The following DENND4A variants were observed in gnomAD, a reference collection of about 807,000 sequenced individuals.
DENND4A encodes the protein DENN domain containing 4A, also known as C-myc promoter-binding protein.
In DENND4A, 70 loss-of-function variants were observed where a neutral mutation model predicts 199.3. The ratio of observed to expected loss-of-function variants is 0.35; its 90% CI spans 0.29 to 0.43. The LOEUF (loss-of-function observed/expected upper bound fraction) is 0.43, where lower values mean the gene tolerates loss of function less well. Ranked by LOEUF, DENND4A falls within the 20% of genes least tolerant of loss-of-function variation. The pLI, the probability that DENND4A is intolerant of heterozygous loss-of-function variation, is 1.00. For missense variants in DENND4A, 1,723 were observed against 2,255.8 expected, an observed-to-expected ratio of 0.76 and a Z score of 4.78; for synonymous variants, 686 against 766.9, an observed-to-expected ratio of 0.89 and a Z score of 1.74.
rs200275350 is a variant in DENND4A at position 65,738,914 on chromosome 15, G to A, written c.632-39C>T. The A allele has an allele frequency of 4.9e-4, 684 of 1,391,452 alleles. 2 individuals carry two copies. The African/African-American group carries it at 8.7e-3, about 18-fold the overall frequency. The allele number at this position is 1,391,452 out of a possible 1,614,324, so 86.2% of individuals were successfully genotyped here. ...AATAAATATTAGGTCATCATCTCTT[G>A]AATTTAGGTACTTATTATTTCAATG... is the stretch of plus-strand genomic sequence containing the variant. On this transcript the variant is annotated intron_variant, in intron 5 of 32. Coordinates refer to ENST00000443035, the MANE Select transcript of DENND4A (RefSeq NM_001320835.1).
intron 4 of DENND4A, among the ~76,000 whole-genome samples, chr15:65,750,472 C>T (rs1335312855): frequency 6.6e-6 from 1 of 151,756 alleles, no homozygotes; most frequent in Non-Finnish European, 1.5e-5. Flanking sequence ...TGCAAATGTA[C>T]TCCGATTTTA....
At chr15:65,719,896 C>CA (rs965419970) in intron 12 of DENND4A, among the ~76,000 whole-genome samples, 5 of 150,838 alleles carry the variant, frequency 3.3e-5, no homozygotes, top group African/African-American at 7.3e-5. Context: ...CACCCTGTCT[C>CA]AAAAAAAAGA....
chr15:65,681,652 T>C lies in DENND4A; in HGVS notation c.4180-5018A>G, dbSNP rs113322876. On this transcript the variant is annotated intron_variant, in intron 23 of 32. Transcript: ENST00000443035. ...AGTACAGACAGTCATCTCAGCCCAA[T>C]GCAACCTCCGCTTCCCAGATTCAAG... Among the ~76,000 whole-genome samples the C allele has an allele frequency of 3.0e-3, 446 of 150,922 alleles. 4 individuals carry two copies. The highest frequency in any genetic ancestry group is 0.01 in the African/African-American group (422 of 41,156).
Position 65,664,365 on chromosome 15 carries a change from G to A in DENND4A, c.5552C>T (p.Ser1851Leu). 1 of 1,600,792 alleles carries A rather than the reference G, an allele frequency of 6.2e-7. No individual in the cohort carries two copies. Among genetic ancestry groups the A allele is most frequent in the Non-Finnish European group, 8.5e-7 (1 of 1,171,896 alleles). Reference sequence around the variant, plus strand: ...GTTTTCTCTTCCCAGTGCCACAAGTGAGAGAAATAGTATTTCTCTGTATAA... The same window carrying A: ...GTTTTCTCTTCCCAGTGCCACAAGTAAGAGAAATAGTATTTCTCTGTATAA... Reference protein sequence around the residue: ...RSLYREILFLSLVALGRENID... With the variant: ...RSLYREILFLLLVALGRENID... Residue 1851 changes from serine to leucine, a missense_variant, in exon 32 of 33, where the codon TCA becomes TTA. Coordinates refer to ENST00000443035, the MANE Select transcript of DENND4A (RefSeq NM_001320835.1).
intron 6 of DENND4A, among the ~76,000 whole-genome samples, 186 bp downstream of exon 6, chr15:65,738,519 AT>A (rs903719261): frequency 1.2e-4 from 18 of 152,184 alleles, no homozygotes; most frequent in African/African-American, 4.3e-4. Context: ...ACAAAAAAGC[AT>A]TTAGGTGGAT....
intron 23 of DENND4A, among the ~76,000 whole-genome samples, chr15:65,683,898 C>A (rs140423120): frequency 3.9e-5 from 6 of 152,302 alleles, no homozygotes; most frequent in Admixed American, 2.0e-4. Context: ...CATTGCCTTC[C>A]TAACACCAGG....
intron 1 of DENND4A, among the ~76,000 whole-genome samples, chr15:65,768,010 C>G (rs1188829961): frequency 6.6e-6 from 1 of 152,126 alleles, no homozygotes; most frequent in Middle Eastern, 3.2e-3. Context: ...ACCCCACTTC[C>G]TTCCAGAGAG....
intron 12 of DENND4A, among the ~76,000 whole-genome samples, chr15:65,718,330 A>G (rs530529478): frequency 1.3e-5 from 2 of 152,340 alleles, no homozygotes; most frequent in South Asian, 2.1e-4. Context: ...CCTGGGCAAC[A>G]TAAGAGAGAT....
intron 23 of DENND4A, among the ~76,000 whole-genome samples, chr15:65,684,956 C>T (rs1392893839): frequency 6.6e-5 from 10 of 151,764 alleles, no homozygotes; most frequent in African/African-American, 2.4e-4. Flanking sequence ...TCCCAAGTAG[C>T]TGGGATTACA....
chr15:65,780,586 G>A (rs139792571), intron 1 of DENND4A, among the ~76,000 whole-genome samples: 1 of 152,264 alleles, frequency 6.6e-6, no homozygotes, highest in African/African-American at 2.4e-5. Flanking sequence ...TTAAAACCCA[G>A]GATTAGTTGG....
intron 4 of DENND4A, among the ~76,000 whole-genome samples, chr15:65,744,572 C>T (rs2076339454): frequency 6.6e-6 from 1 of 152,122 alleles, no homozygotes; most frequent in African/African-American, 2.4e-5. Flanking sequence ...CTCCCCATCA[C>T]CCCTCTCTTG....
Position 65,717,759 on chromosome 15 carries a change from A to G in DENND4A, c.1807+19T>C. The stretch of plus-strand genomic sequence containing the variant: ...TAAGCTCAATAACCTGAAAGCTTTA[A>G]AACTATGCAGTCACTCACCTTGTAG... On this transcript the variant is annotated intron_variant, in intron 13 of 32. Transcript: ENST00000443035. 1 of 1,562,246 alleles carries G rather than the reference A, an allele frequency of 6.4e-7. No individual in the cohort carries two copies. The highest frequency in any genetic ancestry group is 1.4e-5 in the African/African-American group (1 of 73,118).
At position 65,660,316 on chromosome 15, in the gene DENND4A, C is replaced by T. The variant is rs1290404847; in HGVS notation, c.*1535G>A. 5.2e-6 allele frequency: 8 copies of T among 1,534,602 alleles called. No homozygotes were observed. In the Admixed American group the frequency reaches 1.4e-4, roughly 26 times the overall value. ...TGAAATGTTTCAGCATGGTGCTATTCACTAATGGTGTGAACTCAAAAGGTG... is the reference window on the plus strand; with the variant it reads ...TGAAATGTTTCAGCATGGTGCTATTTACTAATGGTGTGAACTCAAAAGGTG... On this transcript the variant is annotated 3_prime_UTR_variant, in exon 33 of 33. Coordinates refer to ENST00000443035, the MANE Select transcript of DENND4A (RefSeq NM_001320835.1).
At chr15:65,687,823 G>A (rs947869396) in intron 23 of DENND4A, among the ~76,000 whole-genome samples, 2 of 152,072 alleles carry the variant, frequency 1.3e-5, no homozygotes, top group Non-Finnish European at 2.9e-5. Flanking sequence ...CTTGTTAGCA[G>A]GTGAATATCT....
At chr15:65,738,571 C>A (rs563771121) in intron 6 of DENND4A, 135 bp downstream of exon 6, 18 of 713,252 alleles carry the variant, frequency 2.5e-5, no homozygotes, top group South Asian at 1.8e-4. Context: ...TCCCTGGATA[C>A]AGTTATTTTA....
In DENND4A at chr15:65,666,883, T is replaced by G. The variant is rs573728730; in HGVS notation, c.5241+566A>C. 1.1e-4 allele frequency among the ~76,000 whole-genome samples: 16 copies of G among 152,244 alleles called. No homozygotes were observed. In the East Asian group the frequency reaches 2.9e-3, roughly 28 times the overall value. Reference sequence around the variant, plus strand: ...CCTAAGAGTCATTTCCAGTTTATTCTTGAAGCAATAGCAAAAATTCAAGTA... The same window carrying G: ...CCTAAGAGTCATTTCCAGTTTATTCGTGAAGCAATAGCAAAAATTCAAGTA... On this transcript the variant is annotated intron_variant, in intron 29 of 32. Transcript: ENST00000443035.
chr15:65,728,827 T>G, intron 11 of DENND4A: 1 of 471,548 alleles, frequency 2.1e-6, no homozygotes, highest in South Asian at 2.1e-5. Context: ...AACATTAAAA[T>G]GTTTCTTAAA....
chr15:65,720,213 T>C (rs1286907271), intron 12 of DENND4A, among the ~76,000 whole-genome samples: 2 of 152,186 alleles, frequency 1.3e-5, no homozygotes, highest in Non-Finnish European at 2.9e-5. Flanking sequence ...TCAAAGAATG[T>C]ACTGGGTAGG....
intron 1 of DENND4A, among the ~76,000 whole-genome samples, chr15:65,775,382 T>C (rs901172501): frequency 6.6e-6 from 1 of 150,972 alleles, no homozygotes; most frequent in East Asian, 2.0e-4. Context: ...GGCTCACGTC[T>C]GTAATCCCAG....
Sources: allele counts gnomAD v4.1 joint callset (sites outside exome capture counted in the v4.1 genomes callset), GRCh38; gene constraint gnomAD v4.1.1; transcripts MANE v1.5; gene names NCBI Gene and HGNC (gene_info 2026-07-23, HGNC 2026-07-21).